The following THOC2 variants were observed in gnomAD, a reference collection of about 807,000 sequenced individuals.
THOC2 encodes the protein THO complex 2.
A neutral mutation model predicts 128.4 loss-of-function variants in THOC2; 10 were observed. That is an observed-to-expected ratio of 0.08 (90% CI 0.05 to 0.13). The LOEUF is 0.13. Among genes scored for constraint, THOC2 ranks in the 10% least tolerant of loss-of-function variants. THOC2 has a pLI of 1.00. For synonymous variants in THOC2, 393 were observed against 396.9 expected (o/e 0.99, Z 0.12); for missense variants, 535 against 1,155.7 (o/e 0.46, Z 7.79).
Position 123,686,728 on chromosome X carries a change from G to A in THOC2, c.602-14C>T, listed in dbSNP as rs377385781. ...GATTAAAGCATCCTGCAACAGATGA[G>A]ACATACAAAAATTTAAAAATGATTA... is the stretch of plus-strand genomic sequence containing the variant. On this transcript the variant is annotated splice_polypyrimidine_tract_variant and intron_variant, in intron 7 of 38. Transcript: ENST00000245838. 7.1e-6 allele frequency: 8 copies of A among 1,123,701 alleles called. No individual in the cohort carries two copies. The highest frequency in any genetic ancestry group is 3.6e-5 in the African/African-American group (2 of 54,983). 92.6% of individuals were successfully genotyped at this position (1,123,701 alleles called of 1,213,427 possible).
At chrX:123,710,708 G>C (rs778885135) in intron 2 of THOC2, among the ~76,000 whole-genome samples, 6 of 109,865 alleles carry the variant, frequency 5.5e-5, no homozygotes, top group African/African-American at 1.7e-4. Context: ...AAACATTTTC[G>C]GTCGGGCACG....
chrX:123,699,403 G>A (rs755548581), intron 4 of THOC2, among the ~76,000 whole-genome samples: 3 of 111,370 alleles, frequency 2.7e-5, no homozygotes, highest in Non-Finnish European at 5.7e-5. Flanking sequence ...GAAATTTTAG[G>A]GTATAATTTA....
At position 123,638,193 on chromosome X, in the gene THOC2, C is replaced by T. The variant is rs1372267383; in HGVS notation, c.1841-70G>A. The T allele has an allele frequency of 1.1e-5, 7 of 662,621 alleles. No individual in the cohort carries two copies. In the East Asian group the frequency reaches 2.5e-4, roughly 23 times the overall value. 54.6% of individuals were successfully genotyped at this position (662,621 alleles called of 1,213,427 possible). A position where few individuals can be genotyped will look rare whatever the true frequency, so the allele number is the denominator to read the frequency against. ...AGACCCTTAAAACATGAATATGCCA[C>T]ATCATAGGGGCAAAATTGTTGGTCA... On this transcript the variant is annotated intron_variant, in intron 17 of 38. Transcript: ENST00000245838.
At chrX:123,657,450 AAAAC>A (rs906516429) in intron 12 of THOC2, among the ~76,000 whole-genome samples, 12 of 111,036 alleles carry the variant, frequency 1.1e-4, no homozygotes, top group Admixed American at 1.9e-4. Flanking sequence ...ACAAATAAAT[AAAAC>A]AAACAAAAAA....
chrX:123,686,550 G>C lies in THOC2; in HGVS notation c.766C>G (p.Gln256Glu). Residue 256 changes from glutamine to glutamate, a missense_variant and splice_region_variant, in exon 8 of 39, where the codon CAG becomes GAG. Physicochemically the swap from Gln to Glu is conservative, Grantham distance 29. Coordinates refer to ENST00000245838, the MANE Select transcript of THOC2 (RefSeq NM_001081550.2). ...HILGFKFKFY[Q>E]EPNGETPSSL... Reference sequence around the variant, plus strand: ...CATACATACACGTTTTTCTTTACCTGGTAAAACTTGAATTTGAACCCAAGA... The same window carrying C: ...CATACATACACGTTTTTCTTTACCTCGTAAAACTTGAATTTGAACCCAAGA... 6 of 1,186,029 alleles carry C rather than the reference G, an allele frequency of 5.1e-6. No individual in the cohort carries two copies. The highest frequency in any genetic ancestry group is 6.8e-6 in the Non-Finnish European group (6 of 880,725).
chrX:123,732,887 G>A (rs2052338620), intron 1 of THOC2, 65 bp downstream of exon 1: 1 of 1,095,432 alleles, frequency 9.1e-7, no homozygotes, highest in Non-Finnish European at 1.3e-6. Flanking sequence ...CCCACTACAG[G>A]TGAGAGTGCA....
chrX:123,617,223 A>T (rs1393315547), intron 33 of THOC2, among the ~76,000 whole-genome samples: 1 of 111,507 alleles, frequency 9.0e-6, no homozygotes. Flanking sequence ...GATCACTTCA[A>T]GTATTTATTG....
chrX:123,612,288 T>C (rs963975187), intron 36 of THOC2, among the ~76,000 whole-genome samples: 1 of 111,737 alleles, frequency 8.9e-6, no homozygotes, highest in Non-Finnish European at 1.9e-5. Flanking sequence ...CAAAAGTCCA[T>C]CAACTGAAAA....
intron 1 of THOC2, among the ~76,000 whole-genome samples, chrX:123,721,764 C>T (rs1461371591): frequency 9.4e-6 from 1 of 106,867 alleles, no homozygotes; most frequent in East Asian, 3.0e-4. Context: ...GCAGCCTAGG[C>T]GAGAGAGCAA....
chrX:123,678,177 C>T (rs2049587714), intron 8 of THOC2, among the ~76,000 whole-genome samples: 3 of 111,280 alleles, frequency 2.7e-5, no homozygotes, highest in African/African-American at 9.8e-5. Flanking sequence ...TTTGTTTCAT[C>T]ACAGATTCGC....
At chrX:123,692,413 G>A (rs1274398078) in intron 7 of THOC2, among the ~76,000 whole-genome samples, 2 of 110,380 alleles carry the variant, frequency 1.8e-5, no homozygotes, top group Non-Finnish European at 1.9e-5. Flanking sequence ...CCTTGCTTGC[G>A]CATGCAGTAA....
At chrX:123,673,237 G>A (rs1030994601) in intron 8 of THOC2, among the ~76,000 whole-genome samples, 1 of 111,748 alleles carries the variant, frequency 8.9e-6, no homozygotes, top group African/African-American at 3.3e-5. Flanking sequence ...TACCTGGGAG[G>A]CTGAAGCAGG....
intron 8 of THOC2, among the ~76,000 whole-genome samples, chrX:123,683,361 T>C (rs1416823485): frequency 1.8e-5 from 2 of 110,620 alleles, no homozygotes; most frequent in Non-Finnish European, 3.8e-5. Context: ...GGGAAAAGGA[T>C]TGTGAACATT....
intron 9 of THOC2, 87 bp downstream of exon 9, chrX:123,671,582 A>G (rs1179629346): frequency 3.9e-6 from 2 of 511,225 alleles, no homozygotes; most frequent in African/African-American, 2.4e-5. Context: ...AACCAACCCA[A>G]TCCTGGGGGT....
chrX:123,704,957 G>A (rs771266407), intron 3 of THOC2, among the ~76,000 whole-genome samples: 41 of 112,071 alleles, frequency 3.7e-4, no homozygotes, highest in Non-Finnish European at 5.8e-4. Flanking sequence ...CCACTCCCAC[G>A]CTCAATTTTA....
At chrX:123,658,039 G>C (rs1055148745) in intron 12 of THOC2, among the ~76,000 whole-genome samples, 1 of 108,633 alleles carries the variant, frequency 9.2e-6, no homozygotes, top group Non-Finnish European at 1.9e-5. Context: ...TGATGCAAGG[G>C]TCAGGAGGAA....
chrX:123,703,725 CAAAAA>C (rs761049104), intron 3 of THOC2, among the ~76,000 whole-genome samples: 1 of 29,771 alleles, frequency 3.4e-5, no homozygotes, highest in Middle Eastern at 0.028. Context: ...CCATCTCTAC[CAAAAA>C]AAAAAAAAAA....
At chrX:123,715,832 AAG>A (rs1306935311) in intron 1 of THOC2, among the ~76,000 whole-genome samples, 1 of 110,426 alleles carries the variant, frequency 9.1e-6, no homozygotes, top group Non-Finnish European at 1.9e-5. Context: ...CAATAAAATT[AAG>A]AGTTTTTTTT....
intron 38 of THOC2, among the ~76,000 whole-genome samples, chrX:123,604,316 T>C (rs917779551): frequency 1.1e-4 from 12 of 111,745 alleles, no homozygotes; most frequent in African/African-American, 3.9e-4. Flanking sequence ...GAGACAAGAT[T>C]ATATGTGTGA....
Sources: allele counts gnomAD v4.1 joint callset (sites outside exome capture counted in the v4.1 genomes callset), GRCh38; gene constraint gnomAD v4.1.1; transcripts MANE v1.5; gene names NCBI Gene and HGNC (gene_info 2026-07-23, HGNC 2026-07-21).